LRFN3: variants seen among roughly 807,000 people sequenced by gnomAD.
LRFN3 encodes the protein leucine-rich repeat and fibronectin type-III domain-containing protein 3.
Under a neutral mutation model 23.8 loss-of-function variants are expected in LRFN3, and 8 were observed. That is an observed-to-expected ratio of 0.34 (90% CI 0.20 to 0.61). LRFN3 has a LOEUF of 0.61. LRFN3 is among the 20% of genes least tolerant of loss of function. The pLI is 0.80. For synonymous variants in LRFN3, 451 were observed against 450.6 expected, an observed-to-expected ratio of 1.00 and a Z score of -0.01; for missense variants, 736 against 935.3, an observed-to-expected ratio of 0.79 and a Z score of 2.78.
rs1170999073 is a variant in LRFN3, at chr19:35,940,386, G to A, written c.961G>A (p.Gly321Arg). ...RPAALRCRAV[G>R]DPEPRVRWVS... Reference sequence around the variant, plus strand: ...GGCTGCCCTGCGCTGCCGGGCAGTGGGGGACCCAGAGCCCCGTGTGCGTTG... The same window carrying A: ...GGCTGCCCTGCGCTGCCGGGCAGTGAGGGACCCAGAGCCCCGTGTGCGTTG... Residue 321 changes from glycine to arginine, a missense_variant, in exon 2 of 3, where the codon GGG (glycine) becomes AGG (arginine). Transcript: ENST00000246529. 6.4e-7 allele frequency: 1 copy of A among 1,574,368 alleles called. No individual in the cohort carries two copies. Among genetic ancestry groups the A allele is most frequent in the Non-Finnish European group, 8.6e-7 (1 of 1,165,290 alleles).
At chr19:35,937,867 G>A (rs1397717422) in intron 1 of LRFN3, among the ~76,000 whole-genome samples, 1 of 151,632 alleles carries the variant, frequency 6.6e-6, no homozygotes, top group Admixed American at 6.6e-5. Context: ...CCTCTCTCTG[G>A]GCTCCTTTCT....
In LRFN3 at chr19:35,945,365, G is replaced by C. The variant is rs7254905; in HGVS notation, c.*346G>C. ...AGACAATAGATGTTCCCTGCGTGTC[G>C]GCTCTGAGCATGCCCTGGGTTGGGG... On this transcript the variant is annotated 3_prime_UTR_variant, in exon 3 of 3. Coordinates refer to ENST00000246529, the MANE Select transcript of LRFN3 (RefSeq NM_024509.2). 6,263 of 214,334 alleles carry C rather than the reference G, an allele frequency of 0.029. 234 individuals carry two copies. The highest frequency in any genetic ancestry group is 0.11 in the East Asian group (987 of 8,932). 13.3% of individuals were successfully genotyped at this position (214,334 alleles called of 1,614,324 possible).
Position 35,944,706 on chromosome 19 carries a change from G to T in LRFN3, c.1574G>T (p.Arg525Leu), listed in dbSNP as rs767047783. ...CARFSTEPAL[R>L]PCGAPHAPFL... ...CGCTTCTCCACCGAACCTGCGCTGC[G>T]GCCATGCGGGGCGCCGCACGCTCCC... Residue 525 changes from arginine to leucine, a missense_variant, in exon 3 of 3, where the codon CGG becomes CTG. Around this residue, in one of 2 missense-constraint regions of LRFN3, gnomAD observed 290 missense variants for 287.4 expected, o/e 1.01. Transcript: ENST00000246529. This position sits in a 1 kb window ranked among gnomAD's most constrained non-coding sequence, Gnocchi z 4.5. 2.5e-6 allele frequency: 4 copies of T among 1,603,798 alleles called. No individual in the cohort carries two copies. Among genetic ancestry groups the T allele is most frequent in the African/African-American group, 1.3e-5 (1 of 74,478 alleles).
intron 2 of LRFN3, among the ~76,000 whole-genome samples, chr19:35,941,457 G>T (rs1172574293): frequency 6.6e-6 from 1 of 152,192 alleles, no homozygotes; most frequent in Non-Finnish European, 1.5e-5. Context: ...GTTAGAAAAA[G>T]AAATCAGACC....
rs1166141400 is a variant in LRFN3 at position 35,939,632 on chromosome 19, C to T, written c.207C>T (p.Asn69=). 5.0e-6 allele frequency: 8 copies of T among 1,609,046 alleles called. No individual in the cohort carries two copies. Among genetic ancestry groups the T allele is most frequent in the East Asian group, 2.2e-5 (1 of 44,882 alleles). Reference sequence around the variant, plus strand: ...CAGCCGAGCTGCGGCTGGCAGACAACTTCATCGCCTCCGTGCGCCGCCGCG... The same window carrying T: ...CAGCCGAGCTGCGGCTGGCAGACAATTTCATCGCCTCCGTGCGCCGCCGCG... ...RRAAELRLAD[N]FIASVRRRDL... is the part of the protein sequence containing the mutation. The change falls in exon 2 of 3, where the codon AAC becomes AAT. Residue 69 remains asparagine, a synonymous_variant. Coordinates refer to ENST00000246529, the MANE Select transcript of LRFN3 (RefSeq NM_024509.2). The surrounding 1 kb of genome is among the most constrained non-coding windows in gnomAD (Gnocchi z 6.4).
chr19:35,938,128 C>T (rs975520428), intron 1 of LRFN3, among the ~76,000 whole-genome samples: 1 of 152,210 alleles, frequency 6.6e-6, no homozygotes, highest in South Asian at 2.1e-4. Context: ...GTCCACCACT[C>T]TTCTCTCCAG....
At position 35,940,243 on chromosome 19, in the gene LRFN3, C is replaced by T. The variant is rs1172016113; in HGVS notation, c.818C>T (p.Ala273Val). Residue 273 changes from alanine to valine, a missense_variant, in exon 2 of 3, where the codon GCG becomes GTG. Ala to Val is a moderately conservative substitution (Grantham distance 64). Around this residue, in one of 2 missense-constraint regions of LRFN3, gnomAD observed 446 missense variants for 647.9 expected, o/e 0.69. Coordinates refer to ENST00000246529, the MANE Select transcript of LRFN3 (RefSeq NM_024509.2). ...CGGGAGGACGACCTCGAGGCCTGCG[C>T]GTCCCCACCTGCTCTGGGCGGCCGC... ...LAREDDLEACASPPALGGRYF... is the reference protein window; with the variant it reads ...LAREDDLEACVSPPALGGRYF... 9 of 1,606,474 alleles carry T rather than the reference C, an allele frequency of 5.6e-6. No homozygotes were observed. Among genetic ancestry groups the T allele is most frequent in the African/African-American group, 1.3e-5 (1 of 75,016 alleles).
Position 35,940,214 on chromosome 19 carries a change from G to T in LRFN3, c.789G>T (p.Leu263=). The change falls in exon 2 of 3, where the codon CTG becomes CTT. Residue 263 remains leucine (L), a synonymous_variant. Coordinates refer to ENST00000246529, the MANE Select transcript of LRFN3 (RefSeq NM_024509.2). The part of the protein sequence containing the change: ...CNCELVWLRR[L]AREDDLEACA... ...GCGAGCTGGTGTGGCTGCGTCGCCT[G>T]GCGCGGGAGGACGACCTCGAGGCCT... 3 of 1,608,672 alleles carry T rather than the reference G, an allele frequency of 1.9e-6. No homozygotes were observed. The highest frequency in any genetic ancestry group is 2.2e-5 in the East Asian group (1 of 44,860).
chr19:35,945,330 C>T lies in LRFN3; in HGVS notation c.*311C>T. On this transcript the variant is annotated 3_prime_UTR_variant, in exon 3 of 3. Transcript: ENST00000246529. ...GGACCCCGGAGGAGGCTGAGGATGG[C>T]GATCCATTCAGACAATAGATGTTCC... 1 of 294,562 alleles carries T rather than the reference C, an allele frequency of 3.4e-6. No homozygotes were observed. The highest frequency in any genetic ancestry group is 6.2e-6 in the Non-Finnish European group (1 of 160,136). 18.2% of individuals were successfully genotyped at this position (294,562 alleles called of 1,614,324 possible).
At position 35,944,592 on chromosome 19, in the gene LRFN3, C is replaced by A; in HGVS notation, c.1460C>A (p.Ala487Glu). ...CGCTCGTTCCTGCTGACGGACCTGG[C>A]GTCAGGCCGGACCTACGATCTGTGC... The part of the protein sequence containing the change: ...ESRSFLLTDL[A>E]SGRTYDLCVL... The change falls in exon 3 of 3, where the codon GCG becomes GAG. Residue 487 changes from alanine (A) to glutamate (E), a missense_variant. Coordinates refer to ENST00000246529, the MANE Select transcript of LRFN3 (RefSeq NM_024509.2). The surrounding 1 kb of genome is among the most constrained non-coding windows in gnomAD (Gnocchi z 4.5). 6.7e-7 allele frequency: 1 copy of A among 1,487,326 alleles called. No homozygotes were observed. Among genetic ancestry groups the A allele is most frequent in the Non-Finnish European group, 8.9e-7 (1 of 1,123,880 alleles). The allele number at this position is 1,487,326 out of a possible 1,614,324, so 92.1% of individuals were successfully genotyped here. A position where few individuals can be genotyped will look rare whatever the true frequency, so the allele number is the denominator to read the frequency against.
At chr19:35,942,599 C>G (rs905502487) in intron 2 of LRFN3, among the ~76,000 whole-genome samples, 1 of 152,176 alleles carries the variant, frequency 6.6e-6, no homozygotes, top group African/African-American at 2.4e-5. Context: ...CCTGGATGTC[C>G]TTTCCCTCCC....
Position 35,945,192 on chromosome 19 carries a change from C to G in LRFN3, c.*173C>G. The G allele has an allele frequency of 6.3e-6, 3 of 476,534 alleles. No individual in the cohort carries two copies. The highest frequency in any genetic ancestry group is 1.1e-5 in the Non-Finnish European group (3 of 275,792). The allele number at this position is 476,534 out of a possible 1,614,324, so 29.5% of individuals were successfully genotyped here. On this transcript the variant is annotated 3_prime_UTR_variant, in exon 3 of 3. Coordinates refer to ENST00000246529, the MANE Select transcript of LRFN3 (RefSeq NM_024509.2). ...AAAGTCCTATTTTTCCAAGCTTGGG[C>G]GAAGACCCTTGCCCTCGTCTCTGTC...
In LRFN3 at chr19:35,944,759, C is replaced by T. The variant is rs368212252; in HGVS notation, c.1627C>T (p.Leu543=). 6.2e-7 allele frequency: 1 copy of T among 1,609,626 alleles called. No homozygotes were observed. The highest frequency in any genetic ancestry group is 8.5e-7 in the Non-Finnish European group (1 of 1,178,402). ...PFLGGTMIIA[L]GGVIVASVLV... is the part of the protein sequence containing the mutation. ...CCTGGGCGGCACGATGATCATCGCG[C>T]TGGGCGGCGTCATCGTAGCCTCGGT... The change falls in exon 3 of 3, where the codon CTG becomes TTG. Residue 543 remains leucine, a synonymous_variant. Coordinates refer to ENST00000246529, the MANE Select transcript of LRFN3 (RefSeq NM_024509.2). The surrounding 1 kb of genome is among the most constrained non-coding windows in gnomAD (Gnocchi z 4.5).
chr19:35,937,636 A>T (rs549263442), intron 1 of LRFN3, 81 bp downstream of exon 1: 35 of 152,826 alleles, frequency 2.3e-4, no homozygotes, highest in African/African-American at 8.2e-4. Context: ...GTACCCTTTG[A>T]CACTCTTGGG....
intron 2 of LRFN3, among the ~76,000 whole-genome samples, chr19:35,942,741 C>T (rs571927814): frequency 6.6e-6 from 1 of 152,236 alleles, no homozygotes; most frequent in South Asian, 2.1e-4. Flanking sequence ...GAAAATCACA[C>T]AAGTCGGCCA....
At position 35,940,127 on chromosome 19, in the gene LRFN3, C is replaced by A. The variant is rs745976472; in HGVS notation, c.702C>A (p.Pro234=). ...CCCGCCTGCCCCTGCTCGCCAGGCCCCGGGGCTCGCCCGCCTCTGCCCTGG... is the reference window on the plus strand; with the variant it reads ...CCCGCCTGCCCCTGCTCGCCAGGCCACGGGGCTCGCCCGCCTCTGCCCTGG... ...LFSRLPLLAR[P]RGSPASALVL... is the part of the protein sequence containing the mutation. The change falls in exon 2 of 3, where the codon CCC becomes CCA. Residue 234 remains proline, a synonymous_variant. Transcript: ENST00000246529. The A allele has an allele frequency of 3.0e-5, 49 of 1,610,810 alleles. No homozygotes were observed. Among genetic ancestry groups the A allele is most frequent in the Non-Finnish European group, 4.2e-5 (49 of 1,179,402 alleles).
At chr19:35,937,899 ATC>A (rs890631392) in intron 1 of LRFN3, among the ~76,000 whole-genome samples, 3 of 151,330 alleles carry the variant, frequency 2.0e-5, no homozygotes, top group African/African-American at 4.9e-5. Flanking sequence ...CTCAATGGCC[ATC>A]TCTGTTCCCT....
chr19:35,945,050 G>T lies in LRFN3; in HGVS notation c.*31G>T. 7.8e-7 allele frequency: 1 copy of T among 1,276,586 alleles called. No individual in the cohort carries two copies. Among genetic ancestry groups the T allele is most frequent in the Non-Finnish European group, 1.0e-6 (1 of 985,632 alleles). 79.1% of individuals were successfully genotyped at this position (1,276,586 alleles called of 1,614,324 possible). A position where few individuals can be genotyped will look rare whatever the true frequency, so the allele number is the denominator to read the frequency against. On this transcript the variant is annotated 3_prime_UTR_variant, in exon 3 of 3. Coordinates refer to ENST00000246529, the MANE Select transcript of LRFN3 (RefSeq NM_024509.2). ...CGCCCCCCCCTCTAAGGGTCCTCTG[G>T]CCCCACGGACAGCAGGACCCGGACA...
Position 35,945,206 on chromosome 19 carries a change from C to T in LRFN3, c.*187C>T, listed in dbSNP as rs1976165980. ...CCAAGCTTGGGCGAAGACCCTTGCC[C>T]TCGTCTCTGTCTATGGGGGTTGGGG... is the stretch of plus-strand genomic sequence containing the variant. On this transcript the variant is annotated 3_prime_UTR_variant, in exon 3 of 3. Transcript: ENST00000246529. The T allele has an allele frequency of 6.5e-6, 3 of 464,752 alleles. 1 individual carries two copies. Among genetic ancestry groups the T allele is most frequent in the South Asian group, 7.7e-5 (2 of 25,968 alleles). The allele number at this position is 464,752 out of a possible 1,614,324, so 28.8% of individuals were successfully genotyped here.
Sources: allele counts gnomAD v4.1 joint callset (sites outside exome capture counted in the v4.1 genomes callset), GRCh38; gene constraint gnomAD v4.1.1; regional missense constraint gnomAD v4.1.1; non-coding constraint Gnocchi (gnomAD v3.1); transcripts MANE v1.5; gene names NCBI Gene and HGNC (gene_info 2026-07-23, HGNC 2026-07-21).